Variants in DLG2 observed in about 807,000 individuals in gnomAD.
The protein encoded by DLG2 is disks large homolog 2.
DLG2 carries 45 observed loss-of-function variants against 132.5 expected under a neutral mutation model. That is an observed-to-expected ratio of 0.34 (90% CI 0.27 to 0.44). The LOEUF is 0.44. Ranked by LOEUF, DLG2 falls within the 20% of genes least tolerant of loss-of-function variation. DLG2 has a pLI of 1.00. For synonymous variants in DLG2, 424 were observed against 419.6 expected (o/e 1.01, Z -0.13); for missense variants, 1,045 against 1,196.9 (o/e 0.87, Z 1.87).
rs1285213601 is a variant in DLG2, at chr11:85,280,209, AC to A, written c.186+5010del. On this transcript the variant is annotated intron_variant, in intron 4 of 27. Transcript: ENST00000376104. ...GAGTGAGACTCAGAGACGTAACAGGACTTTCCACAAGATCATTATCAATATA... is the reference window on the plus strand; with the variant it reads ...GAGTGAGACTCAGAGACGTAACAGGATTTCCACAAGATCATTATCAATATA... 2.6e-5 allele frequency among the ~76,000 whole-genome samples: 4 copies of A among 152,054 alleles called. No individual in the cohort carries two copies. In the East Asian group the frequency reaches 5.8e-4, roughly 22 times the overall value.
At chr11:85,464,315 G>A (rs2092712285) in intron 3 of DLG2, among the ~76,000 whole-genome samples, 2 of 152,160 alleles carry the variant, frequency 1.3e-5, no homozygotes, top group Non-Finnish European at 2.9e-5. Flanking sequence ...TGTGAGACCA[G>A]CCCTCACAGA....
Position 83,781,439 on chromosome 11 carries a change from C to A in DLG2, c.1825+5251G>T, listed in dbSNP as rs147458987. 6.9e-3 allele frequency among the ~76,000 whole-genome samples: 1,045 copies of A among 152,208 alleles called. 15 individuals are homozygous for A. Among genetic ancestry groups the A allele is most frequent in the African/African-American group, 0.024 (1,002 of 41,510 alleles). On this transcript the variant is annotated intron_variant, in intron 18 of 27. Transcript: ENST00000376104. ...TAAATGAACCATGTGGTCACTCTGC[C>A]ACAATTCCATAAACCAGACTACACT...
chr11:85,503,988 T>C (rs961202306), intron 3 of DLG2, among the ~76,000 whole-genome samples: 4 of 152,204 alleles, frequency 2.6e-5, no homozygotes, highest in Admixed American at 1.3e-4. Context: ...GTCATGTGTC[T>C]GTTGGCTGCA....
intron 6 of DLG2, among the ~76,000 whole-genome samples, chr11:85,007,664 C>CAAAAAAAAAAAAAAAAAAAAA (rs57188165): frequency 1.1e-5 from 1 of 88,534 alleles, no homozygotes; most frequent in Admixed American, 1.4e-4. Context: ...GACTCCGTCT[C>CAAAAAAAAAAAAAAAAAAAAA]AAAAAAAAAA....
At chr11:83,930,146 A>T (rs2079865701) in intron 15 of DLG2, among the ~76,000 whole-genome samples, 182 bp downstream of exon 15, 1 of 152,208 alleles carries the variant, frequency 6.6e-6, no homozygotes, top group Non-Finnish European at 1.5e-5. Flanking sequence ...CCAGGGAATA[A>T]AACAAAACAA....
chr11:85,312,707 T>C (rs2152810532), intron 3 of DLG2, among the ~76,000 whole-genome samples: 1 of 152,044 alleles, frequency 6.6e-6, no homozygotes, highest in African/African-American at 2.4e-5. Context: ...AAAAAGTAAA[T>C]ACTTTAGAGT....
At chr11:85,253,848 G>A (rs1437318564) in intron 4 of DLG2, among the ~76,000 whole-genome samples, 1 of 152,056 alleles carries the variant, frequency 6.6e-6, no homozygotes, top group Admixed American at 6.5e-5. Flanking sequence ...GACAGAGCAG[G>A]AAGGCAATCT....
At chr11:84,707,732 T>C (rs887237305) in intron 6 of DLG2, among the ~76,000 whole-genome samples, 2 of 151,844 alleles carry the variant, frequency 1.3e-5, no homozygotes, top group African/African-American at 2.4e-5. Context: ...CCTGAGAGTA[T>C]GCATTAGCTG....
intron 3 of DLG2, among the ~76,000 whole-genome samples, chr11:85,590,612 T>C (rs961173474): frequency 6.6e-6 from 1 of 151,902 alleles, no homozygotes; most frequent in Non-Finnish European, 1.5e-5. Flanking sequence ...CCTAAAATAA[T>C]CTTTTAGAAT....
chr11:83,926,273 C>G (rs540927398), intron 15 of DLG2, among the ~76,000 whole-genome samples: 1 of 152,266 alleles, frequency 6.6e-6, no homozygotes, highest in East Asian at 1.9e-4. Flanking sequence ...CTTTATTCTT[C>G]TAAATGTGGA....
At position 83,678,838 on chromosome 11, in the gene DLG2, G is replaced by A. The variant is rs557296288; in HGVS notation, c.1826-45513C>T. Among the ~76,000 whole-genome samples, 20 of 152,204 alleles carry A rather than the reference G, an allele frequency of 1.3e-4. No homozygotes were observed. The East Asian group carries it at 2.7e-3, about 21-fold the overall frequency. ...TTTGGTAGATTTACGAACTTTTTATGTTTCATTTTTTATATCAAATTTTAT... is the reference window on the plus strand; with the variant it reads ...TTTGGTAGATTTACGAACTTTTTATATTTCATTTTTTATATCAAATTTTAT... On this transcript the variant is annotated intron_variant, in intron 18 of 27. Coordinates refer to ENST00000376104, the MANE Select transcript of DLG2 (RefSeq NM_001142699.3).
chr11:85,507,467 T>C (rs1052029009), intron 3 of DLG2, among the ~76,000 whole-genome samples: 2 of 152,180 alleles, frequency 1.3e-5, no homozygotes, highest in African/African-American at 4.8e-5. Context: ...CCTTCACTTA[T>C]GAAGCTTAGT....
In DLG2 at chr11:83,567,128, C is replaced by T. The variant is rs559203521; in HGVS notation, c.1941-25270G>A. Among the ~76,000 whole-genome samples the T allele has an allele frequency of 6.6e-5, 10 of 152,168 alleles. No homozygotes were observed. The East Asian group carries it at 1.5e-3, about 24-fold the overall frequency. On this transcript the variant is annotated intron_variant, in intron 19 of 27. Coordinates refer to ENST00000376104, the MANE Select transcript of DLG2 (RefSeq NM_001142699.3). ...AAGGAGCCATCTAATTCTTAAGTTT[C>T]GGGTGACTCGTTGAAAGCCTGGAGT...
chr11:84,320,003 C>A (rs1362071594), intron 7 of DLG2, among the ~76,000 whole-genome samples: 1 of 152,160 alleles, frequency 6.6e-6, no homozygotes, highest in Non-Finnish European at 1.5e-5. Context: ...GCCCTCTGTA[C>A]TATAAGACAG....
At chr11:85,006,186 G>A (rs575083371) in intron 6 of DLG2, among the ~76,000 whole-genome samples, 18 of 151,750 alleles carry the variant, frequency 1.2e-4, no homozygotes, top group Admixed American at 2.6e-4. Flanking sequence ...TGAAATTTTC[G>A]TTTTTTGTTG....
chr11:84,927,939 T>C (rs2047597773), intron 6 of DLG2, among the ~76,000 whole-genome samples: 1 of 151,928 alleles, frequency 6.6e-6, no homozygotes, highest in African/African-American at 2.4e-5. Context: ...CTCAGGTATC[T>C]GTGTTAACAA....
chr11:84,610,113 T>C (rs1728607093), intron 6 of DLG2, among the ~76,000 whole-genome samples: 1 of 152,088 alleles, frequency 6.6e-6, no homozygotes. Context: ...TATTTATCAG[T>C]GGGGCACTGA....
chr11:83,959,823 T>C (rs1181298712), intron 14 of DLG2, among the ~76,000 whole-genome samples: 4 of 152,082 alleles, frequency 2.6e-5, no homozygotes, highest in African/African-American at 9.7e-5. Context: ...ACTTAACCTC[T>C]CTGAGAATTT....
intron 6 of DLG2, among the ~76,000 whole-genome samples, chr11:85,107,603 A>G (rs1431498624): frequency 4.6e-5 from 7 of 152,000 alleles, no homozygotes; most frequent in African/African-American, 7.2e-5. Flanking sequence ...TGAGTCCTAG[A>G]AACTGTGGAC....
Sources: allele counts gnomAD v4.1 joint callset (sites outside exome capture counted in the v4.1 genomes callset), GRCh38; gene constraint gnomAD v4.1.1; transcripts MANE v1.5; gene names NCBI Gene and HGNC (gene_info 2026-07-23, HGNC 2026-07-21).